Variants in KDM4B observed in about 807,000 individuals in gnomAD.
KDM4B encodes lysine-specific demethylase 4B.
In KDM4B, 32 loss-of-function variants were observed where a neutral mutation model predicts 125.2. The ratio of observed to expected loss-of-function variants is 0.26; its 90% CI spans 0.19 to 0.34. The LOEUF (loss-of-function observed/expected upper bound fraction) is 0.34. Ranked by LOEUF, KDM4B falls within the 10% of genes least tolerant of loss-of-function variation. The pLI is 1.00. For missense variants in KDM4B, 1,190 were observed against 1,577.7 expected, an observed-to-expected ratio of 0.75 and a Z score of 4.16; for synonymous variants, 721 against 677.9, an observed-to-expected ratio of 1.06 and a Z score of -0.99.
chr19:5,119,360 G>A (rs1461332762), intron 10 of KDM4B: 5 of 670,964 alleles, frequency 7.5e-6, no homozygotes, highest in African/African-American at 5.4e-5. Flanking sequence ...CCCACCTGGT[G>A]TCAGTCGGCT....
chr19:5,080,995 AG>A (rs1427053226), intron 8 of KDM4B: 96 of 152,286 alleles, frequency 6.3e-4, no homozygotes, highest in African/African-American at 2.2e-3. Flanking sequence ...GGAGGGAACG[AG>A]GTCTGTGGTG....
At chr19:4,982,010 G>A (rs1382031926) in intron 1 of KDM4B, among the ~76,000 whole-genome samples, 1 of 152,228 alleles carries the variant, frequency 6.6e-6, no homozygotes, top group African/African-American at 2.4e-5. Context: ...CTCTAGAAGA[G>A]CCAGGTGCAG....
Position 5,082,081 on chromosome 19 carries a change from C to T in KDM4B, c.781-286C>T, listed in dbSNP as rs931880715. ...GGTTCTCCCACTGGGGTGATGCTGA[C>T]GGCCGCCTTGGGGCAGGGCAGGGGC... On this transcript the variant is annotated intron_variant, in intron 8 of 22. Transcript: ENST00000159111. This position sits in a 1 kb window ranked among gnomAD's most constrained non-coding sequence, Gnocchi z 5.4. 2.0e-5 allele frequency among the ~76,000 whole-genome samples: 3 copies of T among 152,194 alleles called. No homozygotes were observed. Among genetic ancestry groups the T allele is most frequent in the East Asian group, 1.9e-4 (1 of 5,188 alleles).
intron 6 of KDM4B, among the ~76,000 whole-genome samples, chr19:5,049,983 C>T (rs570993506): frequency 1.3e-5 from 2 of 152,224 alleles, no homozygotes; most frequent in African/African-American, 4.8e-5. Flanking sequence ...GCTACTCAGG[C>T]CCCTGGGAGA....
intron 1 of KDM4B, among the ~76,000 whole-genome samples, chr19:5,015,298 A>C (rs1225095741): frequency 6.6e-6 from 1 of 151,756 alleles, no homozygotes; most frequent in African/African-American, 2.4e-5. Flanking sequence ...CCCAGGTTGG[A>C]GTGCGTGCAA....
chr19:5,111,402 A>T lies in KDM4B; in HGVS notation c.1115+584A>T, dbSNP rs770001159. On this transcript the variant is annotated intron_variant, in intron 10 of 22. Transcript: ENST00000159111. ...CCCCTCCCTGCGTATCGCCGCACAG[A>T]CCCTCCCAGCCAGGTATCTGGTGTC... 4 of 765,074 alleles carry T rather than the reference A, an allele frequency of 5.2e-6. No individual in the cohort carries two copies. In the South Asian group the frequency reaches 5.4e-5, roughly 10 times the overall value. The allele number at this position is 765,074 out of a possible 1,614,324, so 47.4% of individuals were successfully genotyped here.
Position 5,141,026 on chromosome 19 carries a change from A to G in KDM4B, c.2551-2941A>G, listed in dbSNP as rs1380670078. On this transcript the variant is annotated intron_variant, in intron 18 of 22. Coordinates refer to ENST00000159111, the MANE Select transcript of KDM4B (RefSeq NM_015015.3). This position sits in a 1 kb window ranked among gnomAD's most constrained non-coding sequence, Gnocchi z 6.4. ...CTGGAAGCAGACAGATCAGTCTGGC[A>G]GGGTGGGTCTGCTGGGGAGACCACA... 1 of 152,260 alleles carries G rather than the reference A, an allele frequency of 6.6e-6. No homozygotes were observed. Among genetic ancestry groups the G allele is most frequent in the Non-Finnish European group, 1.5e-5 (1 of 68,048 alleles). 9.4% of individuals were successfully genotyped at this position (152,260 alleles called of 1,614,324 possible).
At chr19:5,109,979 G>A (rs918545794) in intron 9 of KDM4B, among the ~76,000 whole-genome samples, 1 of 152,218 alleles carries the variant, frequency 6.6e-6, no homozygotes, top group African/African-American at 2.4e-5. Context: ...GGACCAACAG[G>A]AGGCATCTGA....
At chr19:5,148,432 C>T (rs191805736) in intron 21 of KDM4B, among the ~76,000 whole-genome samples, 1 of 152,342 alleles carries the variant, frequency 6.6e-6, no homozygotes, top group Admixed American at 6.5e-5. Flanking sequence ...GGGCGGATCT[C>T]TGCAGTCTTC....
chr19:5,011,872 T>C (rs1198114448), intron 1 of KDM4B, among the ~76,000 whole-genome samples: 3 of 152,210 alleles, frequency 2.0e-5, no homozygotes, highest in African/African-American at 7.2e-5. Context: ...TGTGCTGTGG[T>C]GCCACTGTCT....
intron 9 of KDM4B, among the ~76,000 whole-genome samples, chr19:5,104,750 A>G (rs2039003455): frequency 6.6e-6 from 1 of 152,062 alleles, no homozygotes; most frequent in South Asian, 2.1e-4. Flanking sequence ...CCCCCCAAAA[A>G]TTAGAAACAG....
At chr19:5,131,673 ACT>A in intron 12 of KDM4B, 128 bp downstream of exon 12, 1 of 239,374 alleles carries the variant, frequency 4.2e-6, no homozygotes, top group Non-Finnish European at 6.8e-6. Flanking sequence ...AGGAGGGCTG[ACT>A]GCTGGTTTCA....
intron 3 of KDM4B, among the ~76,000 whole-genome samples, chr19:5,037,108 A>T (rs1160780337): frequency 6.6e-6 from 1 of 152,194 alleles, no homozygotes; most frequent in African/African-American, 2.4e-5. Context: ...GTTTTTGTTC[A>T]TTTAGCAGAC....
At chr19:5,108,143 C>A (rs548957837) in intron 9 of KDM4B, among the ~76,000 whole-genome samples, 9 of 152,366 alleles carry the variant, frequency 5.9e-5, no homozygotes, top group Admixed American at 3.3e-4. Context: ...GCCTGTCCCC[C>A]CTCCACGGGT....
intron 7 of KDM4B, among the ~76,000 whole-genome samples, chr19:5,072,765 T>TA (rs2037987586): frequency 6.6e-6 from 1 of 152,226 alleles, no homozygotes; most frequent in South Asian, 2.1e-4. Context: ...GTCAGGAGTC[T>TA]AAAATGCATG....
At chr19:5,092,494 G>C (rs950015864) in intron 9 of KDM4B, among the ~76,000 whole-genome samples, 6 of 152,354 alleles carry the variant, frequency 3.9e-5, no homozygotes, top group Middle Eastern at 6.8e-3. Flanking sequence ...GGAGCTCCGG[G>C]GGGGACACAT....
chr19:4,975,167 G>GAAAAATATTCT (rs2034401751), intron 1 of KDM4B, among the ~76,000 whole-genome samples: 1 of 152,156 alleles, frequency 6.6e-6, no homozygotes, highest in Non-Finnish European at 1.5e-5. Context: ...TTTTCTGGAA[G>GAAAAATATTCT]GGCCGGAGAA....
intron 10 of KDM4B, among the ~76,000 whole-genome samples, chr19:5,116,389 C>T (rs1049332738): frequency 2.0e-5 from 3 of 152,072 alleles, no homozygotes; most frequent in African/African-American, 4.8e-5. Flanking sequence ...TTTACCTAGC[C>T]AAATTGTCAA....
At position 5,059,035 on chromosome 19, in the gene KDM4B, G is replaced by A. The variant is rs576029831; in HGVS notation, c.626+11366G>A. Among the ~76,000 whole-genome samples, 8 of 152,344 alleles carry A rather than the reference G, an allele frequency of 5.3e-5. No homozygotes were observed. In the East Asian group the frequency reaches 1.2e-3, roughly 22 times the overall value. ...GCTGTGGGGGTCTGTGCGTGCCCGC[G>A]GGTCCCTCCCACTGCAGCCGGCGAG... On this transcript the variant is annotated intron_variant, in intron 6 of 22. Transcript: ENST00000159111.
Sources: allele counts gnomAD v4.1 joint callset (sites outside exome capture counted in the v4.1 genomes callset), GRCh38; gene constraint gnomAD v4.1.1; non-coding constraint Gnocchi (gnomAD v3.1); transcripts MANE v1.5; gene names NCBI Gene and HGNC (gene_info 2026-07-23, HGNC 2026-07-21).